ZNF727: variants seen among roughly 807,000 people sequenced by gnomAD.
ZNF727 encodes the protein putative zinc finger protein 727.
Under a neutral mutation model 11.5 loss-of-function variants are expected in ZNF727, and 11 were observed. The observed-to-expected ratio is 0.95, with a 90% confidence interval of 0.60 to 1.58. The LOEUF is 1.58. Among genes scored for constraint, ZNF727 ranks in the 40% most tolerant of loss-of-function variants. ZNF727 has a pLI of 0.00. For missense variants in ZNF727, 533 were observed against 581.7 expected, an observed-to-expected ratio of 0.92 and a Z score of 0.86; for synonymous variants, 171 against 196.1, an observed-to-expected ratio of 0.87 and a Z score of 1.07.
rs147562671 is a variant in ZNF727, at chr7:64,049,116, A to G, written c.3+3492A>G. ...ATAAAAATCTTGTTTAAAAAAGAAAATCAAATTTTATTCTTGTATTATTAT... is the reference window on the plus strand; with the variant it reads ...ATAAAAATCTTGTTTAAAAAAGAAAGTCAAATTTTATTCTTGTATTATTAT... On this transcript the variant is annotated intron_variant, in intron 1 of 3. Coordinates refer to ENST00000456806, the MANE Select transcript of ZNF727 (RefSeq NM_001159522.3). Among the ~76,000 whole-genome samples the G allele has an allele frequency of 3.9e-3, 595 of 152,268 alleles. 6 individuals are homozygous for G. Among genetic ancestry groups the G allele is most frequent in the African/African-American group, 0.014 (567 of 41,576 alleles).
At chr7:64,070,857 G>A (rs1481904175) in intron 3 of ZNF727, among the ~76,000 whole-genome samples, 1 of 151,960 alleles carries the variant, frequency 6.6e-6, no homozygotes, top group Non-Finnish European at 1.5e-5. Flanking sequence ...CTCCATAGAG[G>A]TGAGATCATA....
chr7:64,063,097 GTC>G (rs34743796), intron 1 of ZNF727, among the ~76,000 whole-genome samples: 1 of 151,498 alleles, frequency 6.6e-6, no homozygotes, highest in African/African-American at 2.4e-5. Context: ...ACATATCTCT[GTC>G]TCAGGATTTG....
chr7:64,072,091 A>G (rs1789970162), intron 3 of ZNF727, among the ~76,000 whole-genome samples: 1 of 152,172 alleles, frequency 6.6e-6, no homozygotes, highest in Non-Finnish European at 1.5e-5. Flanking sequence ...TATAAATTTT[A>G]AGATTGAATT....
In ZNF727 at chr7:64,082,278, C is replaced by T. The variant is rs112795024; in HGVS notation, c.*3729C>T. 1.3e-5 allele frequency among the ~76,000 whole-genome samples: 2 copies of T among 152,272 alleles called. No homozygotes were observed. The highest frequency in any genetic ancestry group is 4.8e-5 in the African/African-American group (2 of 41,562). Reference sequence around the variant, plus strand: ...TAGTGGCCCAGGCCTGGAGAACTTGCCCAGTGAGAATATATGAGAACAGGC... The same window carrying T: ...TAGTGGCCCAGGCCTGGAGAACTTGTCCAGTGAGAATATATGAGAACAGGC... On this transcript the variant is annotated 3_prime_UTR_variant, in exon 4 of 4. Coordinates refer to ENST00000456806, the MANE Select transcript of ZNF727 (RefSeq NM_001159522.3).
intron 1 of ZNF727, among the ~76,000 whole-genome samples, chr7:64,057,536 A>G (rs1789704517): frequency 6.6e-6 from 1 of 152,036 alleles, no homozygotes; most frequent in Non-Finnish European, 1.5e-5. Flanking sequence ...TGGGGGAACA[A>G]CACACCCTGG....
intron 1 of ZNF727, among the ~76,000 whole-genome samples, chr7:64,053,649 C>T (rs1345350059): frequency 6.6e-6 from 1 of 152,120 alleles, no homozygotes; most frequent in East Asian, 1.9e-4. Context: ...AGAGAAGTTC[C>T]CCTCCACACA....
At chr7:64,058,090 A>G (rs765404933) in intron 1 of ZNF727, among the ~76,000 whole-genome samples, 1 of 152,208 alleles carries the variant, frequency 6.6e-6, no homozygotes, top group Non-Finnish European at 1.5e-5. Flanking sequence ...ACTTGGGTCA[A>G]TCATCAACAA....
intron 1 of ZNF727, among the ~76,000 whole-genome samples, chr7:64,053,971 G>T (rs1789643153): frequency 6.6e-6 from 1 of 152,208 alleles, no homozygotes; most frequent in Non-Finnish European, 1.5e-5. Context: ...TGTGTATCCA[G>T]CACAGGGGTG....
chr7:64,053,343 C>T (rs1789632139), intron 1 of ZNF727, among the ~76,000 whole-genome samples: 4 of 152,062 alleles, frequency 2.6e-5, no homozygotes, highest in Admixed American at 2.6e-4. Flanking sequence ...TCTTTGGAGA[C>T]AGAATCTCAC....
At chr7:64,075,683 G>T (rs1255472220) in intron 3 of ZNF727, among the ~76,000 whole-genome samples, 1 of 152,062 alleles carries the variant, frequency 6.6e-6, no homozygotes, top group Admixed American at 6.6e-5. Context: ...TAAATATTGG[G>T]TATACATGGA....
intron 1 of ZNF727, among the ~76,000 whole-genome samples, chr7:64,060,117 G>GATAAACTATAT: frequency 6.6e-6 from 1 of 152,160 alleles, no homozygotes; most frequent in East Asian, 1.9e-4. Context: ...TTTTATTTAG[G>GATAAACTATAT]ATAAACTATA....
intron 1 of ZNF727, among the ~76,000 whole-genome samples, chr7:64,053,768 T>G (rs1789639716): frequency 6.6e-6 from 1 of 152,170 alleles, no homozygotes; most frequent in African/African-American, 2.4e-5. Flanking sequence ...TAAGTCCAAT[T>G]AAACCTTTTT....
intron 1 of ZNF727, among the ~76,000 whole-genome samples, chr7:64,058,593 GC>G (rs1308309340): frequency 6.6e-6 from 1 of 152,050 alleles, no homozygotes; most frequent in Admixed American, 6.5e-5. Flanking sequence ...ATAAGCCAGA[GC>G]CTAACCCTTT....
At position 64,078,462 on chromosome 7, in the gene ZNF727, G is replaced by T; in HGVS notation, c.1413G>T (p.Lys471Asn). ...FTCSSSLIKH[K>N]RSHTGDRPTS... Reference sequence around the variant, plus strand: ...GCTCCTCAAGCCTTATTAAACACAAGAGAAGTCATACTGGAGACAGACCTA... The same window carrying T: ...GCTCCTCAAGCCTTATTAAACACAATAGAAGTCATACTGGAGACAGACCTA... The change falls in exon 4 of 4, where the codon AAG (lysine) becomes AAT (asparagine). Residue 471 changes from lysine (K) to asparagine (N), a missense_variant. By Grantham distance (94) the Lys-to-Asn change is moderately conservative. Transcript: ENST00000456806. The T allele has an allele frequency of 6.4e-7, 1 of 1,571,928 alleles. No individual in the cohort carries two copies. The highest frequency in any genetic ancestry group is 2.4e-5 in the East Asian group (1 of 42,172).
At chr7:64,060,981 A>G (rs1356849886) in intron 1 of ZNF727, among the ~76,000 whole-genome samples, 1 of 152,016 alleles carries the variant, frequency 6.6e-6, no homozygotes, top group African/African-American at 2.4e-5. Context: ...ATAGTTTCCA[A>G]AGTTTTTTCT....
chr7:64,071,337 A>G (rs1428199864), intron 3 of ZNF727, among the ~76,000 whole-genome samples: 3 of 152,046 alleles, frequency 2.0e-5, no homozygotes, highest in Non-Finnish European at 4.4e-5. Context: ...CTCACCATGA[A>G]TTTAATTTGC....
chr7:64,051,193 A>T (rs1159495112), intron 1 of ZNF727, among the ~76,000 whole-genome samples: 1 of 152,196 alleles, frequency 6.6e-6, no homozygotes, highest in Non-Finnish European at 1.5e-5. Context: ...CTGAAATTTT[A>T]AGTTGAAGGC....
At position 64,069,587 on chromosome 7, in the gene ZNF727, G is replaced by A; in HGVS notation, c.204G>A (p.Gln68=). The A allele has an allele frequency of 6.4e-7, 1 of 1,562,540 alleles. No homozygotes were observed. Among genetic ancestry groups the A allele is most frequent in the East Asian group, 2.4e-5 (1 of 42,236 alleles). ...QRKEPWNARR[Q]KTVAKHPAGS... is the part of the protein sequence containing the mutation. Reference sequence around the variant, plus strand: ...AAGAGCCTTGGAATGCGAGGAGACAGAAGACAGTAGCCAAACACCCAGGTA... The same window carrying A: ...AAGAGCCTTGGAATGCGAGGAGACAAAAGACAGTAGCCAAACACCCAGGTA... The change falls in exon 3 of 4, where the codon CAG becomes CAA. Residue 68 remains glutamine (Q), a synonymous_variant. Coordinates refer to ENST00000456806, the MANE Select transcript of ZNF727 (RefSeq NM_001159522.3).
chr7:64,052,953 C>T (rs1252789416), intron 1 of ZNF727, among the ~76,000 whole-genome samples: 1 of 152,238 alleles, frequency 6.6e-6, no homozygotes, highest in Admixed American at 6.5e-5. Flanking sequence ...CCTTTACCCC[C>T]ATTGTAACTA....
Sources: gnomAD v4.1 joint callset for allele counts (sites outside exome capture counted in the v4.1 genomes callset) on GRCh38, gnomAD v4.1.1 for gene constraint, MANE v1.5 for transcripts, NCBI Gene and HGNC (gene_info 2026-07-23, HGNC 2026-07-21) for gene names.